Variants in ANKRD17 observed in about 807,000 individuals in gnomAD.
The protein encoded by ANKRD17 is ankyrin repeat domain-containing protein 17.
ANKRD17 carries 19 observed loss-of-function variants against 229.7 expected under a neutral mutation model. The observed-to-expected ratio is 0.08, with a 90% CI of 0.06 to 0.12. ANKRD17 has a LOEUF of 0.12. Among genes scored for constraint, ANKRD17 ranks in the 10% least tolerant of loss-of-function variants. The pLI is 1.00. For synonymous variants in ANKRD17, 1,112 were observed against 1,146.1 expected (o/e 0.97, Z 0.60); for missense variants, 2,176 against 3,176.8 (o/e 0.68, Z 7.57).
At chr4:73,251,296 T>C (rs1353221557) in intron 1 of ANKRD17, among the ~76,000 whole-genome samples, 2 of 152,164 alleles carry the variant, frequency 1.3e-5, no homozygotes, top group Admixed American at 1.3e-4. Context: ...TAAATCATTA[T>C]AAAAATGATA....
intron 8 of ANKRD17, 120 bp downstream of exon 8, chr4:73,148,693 G>T: frequency 1.1e-6 from 1 of 878,574 alleles, no homozygotes; most frequent in Non-Finnish European, 1.8e-6. Context: ...TTTATCACTG[G>T]TTTGTGTAAT....
intron 1 of ANKRD17, among the ~76,000 whole-genome samples, chr4:73,180,061 G>A (rs1249650093): frequency 6.6e-6 from 1 of 151,750 alleles, no homozygotes. Flanking sequence ...AAATTGAACA[G>A]GTAAAATGAA....
At position 73,101,803 on chromosome 4, in the gene ANKRD17, A is replaced by G. The variant is rs1394151136; in HGVS notation, c.4573+573T>C. Among the ~76,000 whole-genome samples the G allele has an allele frequency of 2.0e-5, 3 of 152,150 alleles. No homozygotes were observed. In the South Asian group the frequency reaches 6.2e-4, roughly 31 times the overall value. ...AAGCAAATATGGTAAAATTTTAACA[A>G]TTTTGTCAATCTAGGTGGAATGTAT... On this transcript the variant is annotated intron_variant, in intron 25 of 33. Coordinates refer to ENST00000358602, the MANE Select transcript of ANKRD17 (RefSeq NM_032217.5).
chr4:73,094,195 T>C lies in ANKRD17; in HGVS notation c.5211A>G (p.Ile1737Met). 1 of 1,613,728 alleles carries C rather than the reference T, an allele frequency of 6.2e-7. No individual in the cohort carries two copies. Among genetic ancestry groups the C allele is most frequent in the Non-Finnish European group, 8.5e-7 (1 of 1,179,762 alleles). The change falls in exon 28 of 34, where the codon ATA becomes ATG. Residue 1737 changes from isoleucine to methionine, a missense_variant. Ile to Met is a conservative substitution (Grantham distance 10, BLOSUM62 1). Transcript: ENST00000358602. ...SKKVSVPSTV[I>M]SRVIGRGGCN... The stretch of plus-strand genomic sequence containing the variant: ...AGCCTCCTCTTCCAATCACTCTGGA[T>C]ATCACAGTTGATGGAACAGATACTT...
chr4:73,233,863 T>A (rs982860794), intron 1 of ANKRD17, among the ~76,000 whole-genome samples: 6 of 152,206 alleles, frequency 3.9e-5, no homozygotes, highest in African/African-American at 1.4e-4. Context: ...CTTAGTTATT[T>A]GATTTTCCGT....
intron 1 of ANKRD17, among the ~76,000 whole-genome samples, chr4:73,179,724 C>T (rs146818316): frequency 2.1e-4 from 31 of 150,832 alleles, no homozygotes; most frequent in African/African-American, 7.5e-4. Flanking sequence ...CTTTGGCCTC[C>T]CAAAGGACGG....
intron 1 of ANKRD17, among the ~76,000 whole-genome samples, chr4:73,206,437 A>AAAGAAAGC (rs1739459288): frequency 6.6e-6 from 1 of 151,816 alleles, no homozygotes; most frequent in Non-Finnish European, 1.5e-5. Flanking sequence ...AGAGAGAGAG[A>AAAGAAAGC]GAGAGAGAGA....
chr4:73,212,901 C>A (rs1740494527), intron 1 of ANKRD17, among the ~76,000 whole-genome samples: 2 of 151,354 alleles, frequency 1.3e-5, no homozygotes, highest in South Asian at 4.2e-4. Context: ...GTGGTGTGTG[C>A]CTGTAATTCC....
chr4:73,212,803 A>G (rs1044862168), intron 1 of ANKRD17, among the ~76,000 whole-genome samples: 4 of 151,820 alleles, frequency 2.6e-5, no homozygotes, highest in Admixed American at 2.0e-4. Flanking sequence ...ATCACCTAAG[A>G]TCAGGAGTTC....
chr4:73,175,155 T>C (rs983409844), intron 2 of ANKRD17, among the ~76,000 whole-genome samples: 2 of 151,962 alleles, frequency 1.3e-5, no homozygotes, highest in African/African-American at 2.4e-5. Flanking sequence ...TGACCTACAG[T>C]TCCACATGGC....
At chr4:73,116,481 T>C (rs1416990196) in intron 22 of ANKRD17, among the ~76,000 whole-genome samples, 1 of 152,172 alleles carries the variant, frequency 6.6e-6, no homozygotes, top group Non-Finnish European at 1.5e-5. Context: ...TTAAACGCCA[T>C]TCCCACTTTG....
intron 27 of ANKRD17, 75 bp downstream of exon 27, chr4:73,097,042 A>G: frequency 5.4e-6 from 8 of 1,492,274 alleles, no homozygotes; most frequent in South Asian, 1.3e-5. Flanking sequence ...GAGTAGGAGG[A>G]ATTTAATTAT....
chr4:73,077,512 G>T lies in ANKRD17; in HGVS notation c.7430C>A (p.Pro2477His), dbSNP rs1721115786. The stretch of plus-strand genomic sequence containing the variant: ...GTGGATCATAGGATTTCCCATCCCA[G>T]GGTTACACCAGTCTACTTTGTCTGA... ...GNQDKVDWCN[P>H]GMGNPMIHRP... Residue 2477 changes from proline (P) to histidine (H), a missense_variant, in exon 32 of 34, where the codon CCT (proline) becomes CAT (histidine). Coordinates refer to ENST00000358602, the MANE Select transcript of ANKRD17 (RefSeq NM_032217.5). 1 of 1,605,998 alleles carries T rather than the reference G, an allele frequency of 6.2e-7. No homozygotes were observed. The highest frequency in any genetic ancestry group is 8.5e-7 in the Non-Finnish European group (1 of 1,176,964).
chr4:73,228,249 A>G (rs1481018342), intron 1 of ANKRD17, among the ~76,000 whole-genome samples: 1 of 152,196 alleles, frequency 6.6e-6, no homozygotes, highest in East Asian at 1.9e-4. Context: ...CGATTTGGTA[A>G]GATTTCTGAA....
chr4:73,080,153 C>T (rs80098475), intron 30 of ANKRD17, among the ~76,000 whole-genome samples: 2,677 of 151,662 alleles, frequency 0.018, 172 homozygotes, highest in Admixed American at 0.12. Context: ...CACATTTAAA[C>T]TAAAATGGTA....
At chr4:73,119,456 C>T (rs1726424176) in intron 21 of ANKRD17, among the ~76,000 whole-genome samples, 1 of 152,124 alleles carries the variant, frequency 6.6e-6, no homozygotes. Flanking sequence ...AGTGTCATAA[C>T]AGGGCTCAAA....
chr4:73,223,171 T>C, intron 1 of ANKRD17: 1 of 757,204 alleles, frequency 1.3e-6, no homozygotes, highest in Non-Finnish European at 2.1e-6. Flanking sequence ...GCCAGGCATC[T>C]ACCAAAAGAG....
At chr4:73,237,846 A>G (rs1743648037) in intron 1 of ANKRD17, among the ~76,000 whole-genome samples, 1 of 152,172 alleles carries the variant, frequency 6.6e-6, no homozygotes, top group Admixed American at 6.5e-5. Context: ...TTAAGTTCTC[A>G]AGGAATTTAA....
chr4:73,249,521 T>C (rs1400538042), intron 1 of ANKRD17, among the ~76,000 whole-genome samples: 1 of 152,258 alleles, frequency 6.6e-6, no homozygotes, highest in Non-Finnish European at 1.5e-5. Flanking sequence ...CTCTACCTTA[T>C]AAGTCAGTTT....
Sources: allele counts gnomAD v4.1 joint callset (sites outside exome capture counted in the v4.1 genomes callset), GRCh38; gene constraint gnomAD v4.1.1; transcripts MANE v1.5; gene names NCBI Gene and HGNC (gene_info 2026-07-23, HGNC 2026-07-21).